PDGFC: variants seen among roughly 807,000 people sequenced by gnomAD.
PDGFC encodes the protein platelet derived growth factor C.
PDGFC carries 12 observed loss-of-function variants against 35.5 expected under a neutral mutation model. The observed-to-expected ratio is 0.34, with a 90% confidence interval of 0.22 to 0.55. PDGFC has a LOEUF of 0.55. PDGFC is among the 20% of genes least tolerant of loss of function. The pLI is 0.91. For missense variants in PDGFC, 322 were observed against 412.4 expected, an observed-to-expected ratio of 0.78 and a Z score of 1.90; for synonymous variants, 159 against 148.8, an observed-to-expected ratio of 1.07 and a Z score of -0.50.
At chr4:156,959,976 G>A (rs2110967381) in intron 1 of PDGFC, among the ~76,000 whole-genome samples, 1 of 151,968 alleles carries the variant, frequency 6.6e-6, no homozygotes, top group South Asian at 2.1e-4. Context: ...TAAGAATAGA[G>A]ATGACTTAAT....
intron 1 of PDGFC, among the ~76,000 whole-genome samples, chr4:156,867,581 T>C (rs545371728): frequency 7.2e-5 from 11 of 152,296 alleles, no homozygotes; most frequent in Non-Finnish European, 1.2e-4. Flanking sequence ...CATGTATCAA[T>C]TCTCCCACAC....
At chr4:156,800,127 AAT>A (rs1430319736) in intron 3 of PDGFC, among the ~76,000 whole-genome samples, 1 of 152,168 alleles carries the variant, frequency 6.6e-6, no homozygotes, top group South Asian at 2.1e-4. Flanking sequence ...GTTGAGTTTT[AAT>A]CTACAAAATG....
chr4:156,924,002 GA>G (rs879887034), intron 1 of PDGFC, among the ~76,000 whole-genome samples: 1 of 152,134 alleles, frequency 6.6e-6, no homozygotes, highest in African/African-American at 2.4e-5. Context: ...TTCCTGAGAA[GA>G]AATGGCCCCT....
At chr4:156,833,295 G>C (rs890959714) in intron 2 of PDGFC, among the ~76,000 whole-genome samples, 2 of 152,224 alleles carry the variant, frequency 1.3e-5, no homozygotes, top group Non-Finnish European at 2.9e-5. Flanking sequence ...TGCTTCTACT[G>C]TGTAACTCAG....
At chr4:156,782,302 T>C (rs1731002563) in intron 3 of PDGFC, among the ~76,000 whole-genome samples, 1 of 152,168 alleles carries the variant, frequency 6.6e-6, no homozygotes, top group Admixed American at 6.5e-5. Flanking sequence ...TCTTTGCCTA[T>C]AAAATCTTTA....
At chr4:156,820,405 A>C (rs1732218035) in intron 2 of PDGFC, among the ~76,000 whole-genome samples, 1 of 152,220 alleles carries the variant, frequency 6.6e-6, no homozygotes, top group African/African-American at 2.4e-5. Context: ...TCAAACCTTC[A>C]ATAAGCACCA....
chr4:156,817,350 T>C (rs1396049529), intron 2 of PDGFC, among the ~76,000 whole-genome samples: 1 of 152,028 alleles, frequency 6.6e-6, no homozygotes, highest in African/African-American at 2.4e-5. Context: ...AAATCGAGAA[T>C]TTACAAAATT....
rs2110978352 is a variant in PDGFC at position 156,821,374 on chromosome 4, T to G, written c.315-10357A>C. On this transcript the variant is annotated intron_variant, in intron 2 of 5. Coordinates refer to ENST00000502773, the MANE Select transcript of PDGFC (RefSeq NM_016205.3). ...CCTCCCAAGCAGCTGGGACTACAGG[T>G]GCGAGGCATCACATCTGAATTTTTT... is the stretch of plus-strand genomic sequence containing the variant. Among the ~76,000 whole-genome samples, 3 of 151,948 alleles carry G rather than the reference T, an allele frequency of 2.0e-5. No individual in the cohort carries two copies. In the South Asian group the frequency reaches 6.2e-4, roughly 32 times the overall value.
At chr4:156,954,736 G>A (rs1205182421) in intron 1 of PDGFC, among the ~76,000 whole-genome samples, 2 of 151,886 alleles carry the variant, frequency 1.3e-5, no homozygotes, top group Non-Finnish European at 2.9e-5. Flanking sequence ...AAAGATTGAG[G>A]CTCTCCAGTT....
At chr4:156,965,856 C>A (rs1732453206) in intron 1 of PDGFC, among the ~76,000 whole-genome samples, 1 of 152,076 alleles carries the variant, frequency 6.6e-6, no homozygotes, top group Non-Finnish European at 1.5e-5. Flanking sequence ...TAAAATTGTC[C>A]ACAGCTAAAA....
chr4:156,881,402 C>T (rs563452361), intron 1 of PDGFC, among the ~76,000 whole-genome samples: 55 of 152,220 alleles, frequency 3.6e-4, no homozygotes, highest in Non-Finnish European at 6.6e-4. Context: ...ATCTGTGTGA[C>T]TCCCTGATAT....
intron 1 of PDGFC, among the ~76,000 whole-genome samples, chr4:156,966,503 A>G (rs1732470260): frequency 6.6e-6 from 1 of 152,184 alleles, no homozygotes; most frequent in Admixed American, 6.5e-5. Context: ...TACTTATTCA[A>G]CATATCACTT....
chr4:156,882,610 T>G (rs1226563427), intron 1 of PDGFC, among the ~76,000 whole-genome samples: 1 of 152,184 alleles, frequency 6.6e-6, no homozygotes, highest in Non-Finnish European at 1.5e-5. Context: ...GACAACTGCA[T>G]GTTGATAGGG....
chr4:156,871,606 CTAAAATATTTTAT>C (rs1301596271), intron 1 of PDGFC, among the ~76,000 whole-genome samples: 1 of 151,790 alleles, frequency 6.6e-6, no homozygotes, highest in Non-Finnish European at 1.5e-5. Context: ...GAAAATGTGC[CTAAAATATTTTAT>C]TTCAAATGCA....
chr4:156,925,487 A>G (rs1731385828), intron 1 of PDGFC, among the ~76,000 whole-genome samples: 1 of 152,200 alleles, frequency 6.6e-6, no homozygotes, highest in African/African-American at 2.4e-5. Context: ...GCAACTCTGC[A>G]CATGGTACTG....
At chr4:156,769,844 A>C (rs887584272) in intron 4 of PDGFC, among the ~76,000 whole-genome samples, 20 of 152,018 alleles carry the variant, frequency 1.3e-4, no homozygotes, top group Non-Finnish European at 2.4e-4. Context: ...GCTTTTCTCT[A>C]GTATTTAATG....
At chr4:156,844,834 G>A (rs367920862) in intron 2 of PDGFC, among the ~76,000 whole-genome samples, 1 of 152,044 alleles carries the variant, frequency 6.6e-6, no homozygotes, top group South Asian at 2.1e-4. Flanking sequence ...GCAAATATAT[G>A]TAACCTCTAT....
intron 2 of PDGFC, among the ~76,000 whole-genome samples, chr4:156,816,849 G>A (rs768218916): frequency 5.9e-5 from 9 of 152,104 alleles, no homozygotes; most frequent in Admixed American, 1.3e-4. Flanking sequence ...CTTTTTCAGC[G>A]ACTGGAGAAA....
intron 1 of PDGFC, among the ~76,000 whole-genome samples, chr4:156,863,063 C>T (rs968413761): frequency 6.6e-6 from 1 of 152,040 alleles, no homozygotes; most frequent in Non-Finnish European, 1.5e-5. Context: ...AAGTTTTTAC[C>T]AGCTAAAACA....
Sources: allele counts gnomAD v4.1 joint callset (sites outside exome capture counted in the v4.1 genomes callset), GRCh38; gene constraint gnomAD v4.1.1; transcripts MANE v1.5; gene names NCBI Gene and HGNC (gene_info 2026-07-23, HGNC 2026-07-21).